ROCK1: variants seen among roughly 807,000 people sequenced by gnomAD.
ROCK1 encodes rho-associated protein kinase 1.
ROCK1 carries 36 observed loss-of-function variants against 196.8 expected under a neutral mutation model. That is an observed-to-expected ratio of 0.18 (90% confidence interval 0.14 to 0.24). The LOEUF is 0.24. Ranked by LOEUF, ROCK1 falls within the 10% of genes least tolerant of loss-of-function variation. The probability of loss-of-function intolerance (pLI) is 1.00; values close to 1 mark genes in which losing one functional copy is unlikely to be tolerated. For missense variants in ROCK1, 920 were observed against 1,562.0 expected (o/e 0.59, Z 6.93); for synonymous variants, 443 against 515.9 (o/e 0.86, Z 1.91).
chr18:21,005,447 T>A (rs1017303834), intron 16 of ROCK1, among the ~76,000 whole-genome samples: 1 of 152,244 alleles, frequency 6.6e-6, no homozygotes, highest in Non-Finnish European at 1.5e-5. Context: ...CTTTATGAAT[T>A]AGGCAAGTTT....
chr18:21,059,208 ATC>A (rs2036268962), intron 2 of ROCK1, among the ~76,000 whole-genome samples: 1 of 152,144 alleles, frequency 6.6e-6, no homozygotes, highest in Admixed American at 6.5e-5. Context: ...ATACTGCTTC[ATC>A]TCTCTGTGCC....
intron 1 of ROCK1, among the ~76,000 whole-genome samples, chr18:21,078,373 C>CACACACAGAG (rs1491188980): frequency 0.017 from 1,105 of 66,140 alleles, 9 homozygotes; most frequent in Non-Finnish European, 0.038. Context: ...CACACACACA[C>CACACACAGAG]AGAGAGAGAG....
rs368443265 is a variant in ROCK1, at chr18:20,982,787, C to T, written c.2535G>A (p.Gln845=). The T allele has an allele frequency of 1.5e-5, 23 of 1,577,046 alleles. No individual in the cohort carries two copies. The highest frequency in any genetic ancestry group is 1.9e-5 in the Non-Finnish European group (22 of 1,147,570). ...NEGQMRELQD[Q]LEAEQYFSTL... ...CCGAGAAATATTGCTCAGCTTCAAG[C>T]TGATCTTGTAGCTCCCGCATCTGTC... Residue 845 remains glutamine, a synonymous_variant, in exon 21 of 33, where the codon CAG becomes CAA. Transcript: ENST00000399799.
At position 21,006,510 on chromosome 18, in the gene ROCK1, T is replaced by C; in HGVS notation, c.1726A>G (p.Ser576Gly). 1 of 1,613,920 alleles carries C rather than the reference T, an allele frequency of 6.2e-7. No homozygotes were observed. Among genetic ancestry groups the C allele is most frequent in the Non-Finnish European group, 8.5e-7 (1 of 1,179,970 alleles). The change falls in exon 16 of 33, where the codon AGT becomes GGT. Residue 576 changes from serine to glycine, a missense_variant. Ser to Gly is a moderately conservative substitution (Grantham distance 56). Around this residue, in one of 6 missense-constraint regions of ROCK1, gnomAD observed 520 missense variants for 657.1 expected, o/e 0.79. Coordinates refer to ENST00000399799, the MANE Select transcript of ROCK1 (RefSeq NM_005406.3). ...KSHTEMSKSISQLESLNRELQ... is the reference protein window; with the variant it reads ...KSHTEMSKSIGQLESLNRELQ... ...TCTCTGTTCAGGGACTCTAACTGAC[T>C]AATTGACTTGCTCATCTCTGTGTGA...
At chr18:21,031,721 A>G (rs778548824) in intron 9 of ROCK1, among the ~76,000 whole-genome samples, 4 of 152,126 alleles carry the variant, frequency 2.6e-5, no homozygotes, top group Non-Finnish European at 5.9e-5. Flanking sequence ...AAGCAAATGA[A>G]CACTATGGAT....
intron 12 of ROCK1, among the ~76,000 whole-genome samples, chr18:21,018,829 C>T (rs1290296972): frequency 6.6e-6 from 1 of 152,078 alleles, no homozygotes; most frequent in Non-Finnish European, 1.5e-5. Flanking sequence ...GAATACTTTT[C>T]GTGTTACCTT....
intron 1 of ROCK1, among the ~76,000 whole-genome samples, chr18:21,074,736 GA>G (rs915741702): frequency 7.9e-5 from 12 of 151,850 alleles, no homozygotes; most frequent in African/African-American, 2.2e-4. Context: ...CAGGAAAGCA[GA>G]AAAAAAATAC....
Position 20,965,714 on chromosome 18 carries a change from C to T in ROCK1, c.3352+1203G>A, listed in dbSNP as rs373404734. 1.1e-4 allele frequency among the ~76,000 whole-genome samples: 16 copies of T among 152,262 alleles called. 1 individual carries two copies. The highest frequency in any genetic ancestry group is 3.9e-4 in the African/African-American group (16 of 41,536). ...TACAATAATGAATCGTGTGTACCTG[C>T]AAGTTTCTCAAGAGGTAGGCAGTTT... On this transcript the variant is annotated intron_variant, in intron 27 of 32. Transcript: ENST00000399799.
intron 6 of ROCK1, 60 bp from the exon 7 acceptor site, chr18:21,042,769 G>C: frequency 6.7e-6 from 10 of 1,488,370 alleles, no homozygotes; most frequent in Non-Finnish European, 7.3e-6. Context: ...TATTTAAAAT[G>C]ACTTTCTTAT....
intron 9 of ROCK1, among the ~76,000 whole-genome samples, chr18:21,031,232 A>T (rs925640447): frequency 6.6e-6 from 1 of 152,202 alleles, no homozygotes; most frequent in Non-Finnish European, 1.5e-5. Flanking sequence ...GCTTTAAAAC[A>T]ATGTCCAGTT....
At chr18:20,974,067 G>GC in intron 22 of ROCK1, among the ~76,000 whole-genome samples, 1 of 152,108 alleles carries the variant, frequency 6.6e-6, no homozygotes. Context: ...ACCGTGCCCA[G>GC]CAATATTTGG....
chr18:20,961,448 T>C (rs1179089307), intron 27 of ROCK1, among the ~76,000 whole-genome samples: 1 of 152,194 alleles, frequency 6.6e-6, no homozygotes. Context: ...GGATATTATA[T>C]TCCGAGGAAT....
At position 20,949,780 on chromosome 18, in the gene ROCK1, T is replaced by G. The variant is rs2035165873; in HGVS notation, c.*1604A>C. ...ATACACTTTAATCTAACCATGGAAT[T>G]TCACAAACATTTATATACAATCAGA... On this transcript the variant is annotated 3_prime_UTR_variant, in exon 33 of 33. Coordinates refer to ENST00000399799, the MANE Select transcript of ROCK1 (RefSeq NM_005406.3). 2 of 152,600 alleles carry G rather than the reference T, an allele frequency of 1.3e-5. No homozygotes were observed. The highest frequency in any genetic ancestry group is 2.9e-5 in the Non-Finnish European group (2 of 68,036). The allele number at this position is 152,600 out of a possible 1,614,324, so 9.5% of individuals were successfully genotyped here. A position where few individuals can be genotyped will look rare whatever the true frequency, so the allele number is the denominator to read the frequency against.
intron 2 of ROCK1, 27 bp from the exon 3 acceptor site, chr18:21,049,907 T>C: frequency 7.5e-7 from 1 of 1,336,388 alleles, no homozygotes; most frequent in Non-Finnish European, 1.0e-6. Context: ...GTTTATCATT[T>C]TAAATCACTA....
At chr18:21,022,858 A>ATG (rs573929547) in intron 11 of ROCK1, among the ~76,000 whole-genome samples, 98 of 151,666 alleles carry the variant, frequency 6.5e-4, no homozygotes, top group African/African-American at 1.2e-3. Flanking sequence ...GTGTGTATAT[A>ATG]TGTGTGTGTG....
chr18:20,976,453 T>G (rs2035481712), intron 22 of ROCK1, among the ~76,000 whole-genome samples: 4 of 152,210 alleles, frequency 2.6e-5, no homozygotes, highest in South Asian at 2.1e-4. Context: ...TGGTTTCTCT[T>G]GAAAAATCAG....
At chr18:20,973,751 A>C (rs59730080) in intron 22 of ROCK1, among the ~76,000 whole-genome samples, 1 of 151,782 alleles carries the variant, frequency 6.6e-6, no homozygotes, top group Admixed American at 6.6e-5. Flanking sequence ...AAATAAATAC[A>C]ATGGACAATT....
intron 8 of ROCK1, among the ~76,000 whole-genome samples, chr18:21,040,611 G>C (rs2036097189): frequency 6.6e-6 from 1 of 152,132 alleles, no homozygotes; most frequent in African/African-American, 2.4e-5. Flanking sequence ...TTTCCAAGAA[G>C]CTTTCACTAA....
chr18:21,053,653 T>C (rs995524035), intron 2 of ROCK1, among the ~76,000 whole-genome samples: 5 of 152,022 alleles, frequency 3.3e-5, no homozygotes, highest in African/African-American at 1.2e-4. Flanking sequence ...CTGGACAACA[T>C]ACCAAGACTT....
Sources: gnomAD v4.1 joint callset for allele counts (sites outside exome capture counted in the v4.1 genomes callset) on GRCh38, gnomAD v4.1.1 for gene constraint, gnomAD v4.1.1 regional missense constraint, MANE v1.5 for transcripts, NCBI Gene and HGNC (gene_info 2026-07-23, HGNC 2026-07-21) for gene names.